The following SAXO1 variants were observed in gnomAD, a reference collection of about 807,000 sequenced individuals.
SAXO1 encodes stabilizer of axonemal microtubules 1, also known as 4930500O09Rik.
SAXO1 carries 21 observed loss-of-function variants against 17.5 expected under a neutral mutation model. That is an observed-to-expected ratio of 1.20 (90% CI 0.85 to 1.72). The LOEUF is 1.72. SAXO1 is among the 40% of genes most tolerant of loss of function. The probability of loss-of-function intolerance (pLI) is 0.00; values close to 1 mark genes in which losing one functional copy is unlikely to be tolerated. For synonymous variants in SAXO1, 274 were observed against 216.5 expected (o/e 1.27, Z -2.33); for missense variants, 843 against 596.0 (o/e 1.41, Z -4.32).
intron 1 of SAXO1, among the ~76,000 whole-genome samples, chr9:19,014,734 C>T (rs1291970857): frequency 6.6e-6 from 1 of 152,090 alleles, no homozygotes. Flanking sequence ...AGCTTTGTCA[C>T]AGGTATTACC....
At chr9:19,011,731 A>T (rs1302976782) in intron 1 of SAXO1, among the ~76,000 whole-genome samples, 1 of 152,178 alleles carries the variant, frequency 6.6e-6, no homozygotes, top group East Asian at 1.9e-4. Flanking sequence ...TTTTTAAATA[A>T]CACAAAATCT....
intron 1 of SAXO1, chr9:19,026,960 G>A (rs1835499429): frequency 5.6e-6 from 5 of 894,190 alleles, no homozygotes; most frequent in Admixed American, 1.7e-5. Context: ...TGTCCACGGA[G>A]GAGATCATCC....
chr9:19,009,620 A>G (rs1311834742), intron 1 of SAXO1, among the ~76,000 whole-genome samples: 2 of 152,132 alleles, frequency 1.3e-5, no homozygotes, highest in African/African-American at 4.8e-5. Flanking sequence ...ATGAAATGGA[A>G]CAAGCATCAG....
chr9:18,983,385 C>G (rs533035623), intron 1 of SAXO1, among the ~76,000 whole-genome samples: 1 of 152,144 alleles, frequency 6.6e-6, no homozygotes, highest in Admixed American at 6.5e-5. Flanking sequence ...CCCCATGATC[C>G]AATTACCTCC....
intron 1 of SAXO1, among the ~76,000 whole-genome samples, chr9:19,005,522 T>A (rs1204952401): frequency 6.6e-6 from 1 of 152,198 alleles, no homozygotes; most frequent in Admixed American, 6.5e-5. Context: ...GACTATTCAA[T>A]GTGGGAAGGA....
chr9:18,998,164 T>C (rs1188598218), intron 1 of SAXO1, among the ~76,000 whole-genome samples: 2 of 152,024 alleles, frequency 1.3e-5, no homozygotes, highest in Admixed American at 6.6e-5. Context: ...AACAAACTTC[T>C]CCCAGCTAAA....
At chr9:18,969,058 GTTT>G (rs4007662) in intron 1 of SAXO1, among the ~76,000 whole-genome samples, 22 of 147,410 alleles carry the variant, frequency 1.5e-4, no homozygotes, top group Non-Finnish European at 2.1e-4. Flanking sequence ...TCTTTTTGCA[GTTT>G]TTTTTTTTGT....
At chr9:18,971,253 G>A (rs985821504) in intron 1 of SAXO1, among the ~76,000 whole-genome samples, 3 of 152,120 alleles carry the variant, frequency 2.0e-5, no homozygotes, top group Non-Finnish European at 2.9e-5. Context: ...TTTCTCCACT[G>A]CTCGTAAGCT....
rs147428758 is a variant in SAXO1, at chr9:18,928,414, C to T, written c.1063G>A (p.Val355Ile). The T allele has an allele frequency of 3.7e-5, 59 of 1,609,604 alleles. No homozygotes were observed. In the African/African-American group the frequency reaches 7.1e-4, roughly 19 times the overall value. Residue 355 changes from valine (V) to isoleucine (I), a missense_variant, in exon 4 of 4, where the codon GTC becomes ATC. Val to Ile is a conservative substitution (Grantham distance 29). Coordinates refer to ENST00000380534, the MANE Select transcript of SAXO1 (RefSeq NM_153707.4). ...KQWSSMRTEP[V>I]KPVPQLDLPT... Reference sequence around the variant, plus strand: ...AAGTCCAGCTGGGGAACGGGCTTGACTGGCTCTGTGCGCATGCTGGACCAC... The same window carrying T: ...AAGTCCAGCTGGGGAACGGGCTTGATTGGCTCTGTGCGCATGCTGGACCAC...
intron 1 of SAXO1, among the ~76,000 whole-genome samples, chr9:18,954,590 G>C (rs916206356): frequency 6.6e-6 from 1 of 152,056 alleles, no homozygotes; most frequent in African/African-American, 2.4e-5. Flanking sequence ...ACCTACCTCA[G>C]CCACGCAAAG....
intron 1 of SAXO1, among the ~76,000 whole-genome samples, chr9:18,957,671 T>C (rs10963871): frequency 0.041 from 6,174 of 152,206 alleles, 201 homozygotes; most frequent in East Asian, 0.12. Flanking sequence ...CATCATTCCA[T>C]GCCAATAGCT....
chr9:18,945,734 A>G (rs1831763687), intron 2 of SAXO1, among the ~76,000 whole-genome samples: 1 of 152,170 alleles, frequency 6.6e-6, no homozygotes, highest in South Asian at 2.1e-4. Flanking sequence ...GCTGAGGCAA[A>G]TATCTGTCAC....
chr9:19,004,606 T>C (rs1033094215), intron 1 of SAXO1, among the ~76,000 whole-genome samples: 1 of 152,134 alleles, frequency 6.6e-6, no homozygotes, highest in Non-Finnish European at 1.5e-5. Flanking sequence ...CTTAGCAAAC[T>C]ATCACAAGGA....
chr9:18,979,815 TG>T (rs1467668873), intron 1 of SAXO1, among the ~76,000 whole-genome samples: 2 of 152,188 alleles, frequency 1.3e-5, no homozygotes, highest in Non-Finnish European at 2.9e-5. Flanking sequence ...CACTACAGCC[TG>T]GGCAAAAGAG....
At chr9:18,983,019 C>T (rs1833458009) in intron 1 of SAXO1, among the ~76,000 whole-genome samples, 1 of 151,918 alleles carries the variant, frequency 6.6e-6, no homozygotes, top group South Asian at 2.1e-4. Flanking sequence ...TGAGGTGACG[C>T]TTGGGCTAAG....
chr9:18,974,867 G>C (rs761033486), intron 1 of SAXO1, among the ~76,000 whole-genome samples: 35 of 152,176 alleles, frequency 2.3e-4, no homozygotes, highest in Non-Finnish European at 4.7e-4. Context: ...TGGATGCTAA[G>C]GCTGATAGGC....
At chr9:18,936,206 T>A (rs1244950400) in intron 3 of SAXO1, among the ~76,000 whole-genome samples, 1 of 152,202 alleles carries the variant, frequency 6.6e-6, no homozygotes, top group Non-Finnish European at 1.5e-5. Context: ...TTTAGGCTGA[T>A]AATACTACCA....
chr9:18,939,936 A>C (rs77439264), intron 3 of SAXO1, among the ~76,000 whole-genome samples: 8,843 of 152,270 alleles, frequency 0.058, 278 homozygotes, highest in Middle Eastern at 0.088. Flanking sequence ...AAATGAGTAA[A>C]AGCTGACAAG....
intron 1 of SAXO1, among the ~76,000 whole-genome samples, chr9:18,958,550 T>C (rs6475278): frequency 0.15 from 23,368 of 151,760 alleles, 3,794 homozygotes; most frequent in African/African-American, 0.41. Flanking sequence ...TAATGGTTAT[T>C]TGGTACGCAT....
Sources: gnomAD v4.1 joint callset for allele counts (sites outside exome capture counted in the v4.1 genomes callset) on GRCh38, gnomAD v4.1.1 for gene constraint, MANE v1.5 for transcripts, NCBI Gene and HGNC (gene_info 2026-07-23, HGNC 2026-07-21) for gene names.